Variants in RUNX2 observed in about 807,000 individuals in gnomAD.
RUNX2 encodes the protein runt-related transcription factor 2.
RUNX2 carries 10 observed loss-of-function variants against 51.7 expected under a neutral mutation model. The ratio of observed to expected loss-of-function variants is 0.19; its 90% CI spans 0.12 to 0.33. RUNX2 has a LOEUF of 0.33. Ranked by LOEUF, RUNX2 falls within the 10% of genes least tolerant of loss-of-function variation. The pLI is 1.00. For missense variants in RUNX2, 562 were observed against 691.3 expected, an observed-to-expected ratio of 0.81 and a Z score of 2.10; for synonymous variants, 276 against 273.6, an observed-to-expected ratio of 1.01 and a Z score of -0.09.
At chr6:45,503,266 A>G (rs556555615) in intron 6 of RUNX2, among the ~76,000 whole-genome samples, 1 of 152,364 alleles carries the variant, frequency 6.6e-6, no homozygotes, top group African/African-American at 2.4e-5. Flanking sequence ...ATAAAACTCC[A>G]TAGCACCAGG....
At chr6:45,539,229 C>G (rs764817014) in intron 7 of RUNX2, among the ~76,000 whole-genome samples, 27 of 151,522 alleles carry the variant, frequency 1.8e-4, no homozygotes, top group Non-Finnish European at 3.4e-4. Flanking sequence ...TTCTCTCTCT[C>G]TCTCTCTTTT....
At chr6:45,422,478 T>TTCCC in intron 2 of RUNX2, 115 bp from the exon 3 acceptor site, 5 of 569,522 alleles carry the variant, frequency 8.8e-6, no homozygotes, top group East Asian at 7.8e-5. Flanking sequence ...CCATCCTCTT[T>TTCCC]CCCCCCGTCT....
At chr6:45,329,402 A>C (rs1219009197) in intron 2 of RUNX2, among the ~76,000 whole-genome samples, 1 of 151,984 alleles carries the variant, frequency 6.6e-6, no homozygotes, top group Non-Finnish European at 1.5e-5. Flanking sequence ...AATTATGATA[A>C]GCACATCACA....
At chr6:45,434,478 C>T (rs1396153958) in intron 4 of RUNX2, among the ~76,000 whole-genome samples, 1 of 151,690 alleles carries the variant, frequency 6.6e-6, no homozygotes, top group Non-Finnish European at 1.5e-5. Flanking sequence ...GAAACATAAA[C>T]TCTCAGAAAC....
At chr6:45,472,912 C>T (rs772854654) in intron 5 of RUNX2, among the ~76,000 whole-genome samples, 2 of 152,104 alleles carry the variant, frequency 1.3e-5, no homozygotes, top group African/African-American at 4.8e-5. Flanking sequence ...CCTGTTTTCA[C>T]CAGTTCATTT....
intron 2 of RUNX2, among the ~76,000 whole-genome samples, chr6:45,401,483 C>G (rs1797711593): frequency 6.6e-6 from 1 of 152,214 alleles, no homozygotes; most frequent in Admixed American, 6.5e-5. Flanking sequence ...GGCTCTGTCA[C>G]TAACTCTGAC....
At chr6:45,378,312 C>G (rs184440342) in intron 2 of RUNX2, among the ~76,000 whole-genome samples, 9 of 152,348 alleles carry the variant, frequency 5.9e-5, no homozygotes, top group Non-Finnish European at 1.0e-4. Flanking sequence ...GTGACCGGCA[C>G]TGGAAGTTGA....
intron 7 of RUNX2, among the ~76,000 whole-genome samples, chr6:45,532,295 G>A (rs764386024): frequency 6.7e-6 from 1 of 149,936 alleles, no homozygotes; most frequent in Non-Finnish European, 1.5e-5. Context: ...AATTTTTGAA[G>A]GTATTTTTGG....
At chr6:45,480,297 C>T (rs1031565989) in intron 5 of RUNX2, among the ~76,000 whole-genome samples, 3 of 152,164 alleles carry the variant, frequency 2.0e-5, no homozygotes, top group Admixed American at 6.5e-5. Flanking sequence ...GTTACTCTTG[C>T]AGCTTAGAGA....
intron 2 of RUNX2, among the ~76,000 whole-genome samples, chr6:45,343,017 C>G (rs531407899): frequency 6.6e-6 from 1 of 152,266 alleles, no homozygotes; most frequent in Non-Finnish European, 1.5e-5. Context: ...TCAATTTCCT[C>G]ATCTGTAAAA....
intron 7 of RUNX2, among the ~76,000 whole-genome samples, chr6:45,534,256 G>A (rs1303204646): frequency 6.6e-6 from 1 of 151,804 alleles, no homozygotes; most frequent in Non-Finnish European, 1.5e-5. Flanking sequence ...CCTCTATTGG[G>A]GGAAAAAAGG....
chr6:45,359,329 A>G (rs1359539868), intron 2 of RUNX2, among the ~76,000 whole-genome samples: 2 of 152,154 alleles, frequency 1.3e-5, no homozygotes, highest in South Asian at 2.1e-4. Flanking sequence ...TTTATACATA[A>G]TATCACTTTC....
chr6:45,385,065 C>G (rs574606939), intron 2 of RUNX2, among the ~76,000 whole-genome samples: 2 of 152,208 alleles, frequency 1.3e-5, no homozygotes, highest in South Asian at 2.1e-4. Flanking sequence ...CAGACATTTA[C>G]TGAGGACGTA....
At position 45,547,367 on chromosome 6, in the gene RUNX2, A is replaced by G; in HGVS notation, c.*62A>G. 1 of 1,259,704 alleles carries G rather than the reference A, an allele frequency of 7.9e-7. No homozygotes were observed. The allele number at this position is 1,259,704 out of a possible 1,614,324, so 78.0% of individuals were successfully genotyped here. On this transcript the variant is annotated 3_prime_UTR_variant, in exon 9 of 9. Transcript: ENST00000647337. ...ACATCCCACACGTATCAATATATAC[A>G]TATATAGAGAGAGTGCATATATATG...
intron 2 of RUNX2, 110 bp from the exon 3 acceptor site, chr6:45,422,483 C>T: frequency 7.2e-6 from 4 of 557,996 alleles, no homozygotes; most frequent in South Asian, 3.6e-5. Flanking sequence ...CTCTTTCCCC[C>T]CGTCTCGCCT....
At position 45,549,336 on chromosome 6, in the gene RUNX2, C is replaced by T. The variant is rs1802498100; in HGVS notation, c.*2031C>T. 2.5e-6 allele frequency: 1 copy of T among 398,578 alleles called. No individual in the cohort carries two copies. Among genetic ancestry groups the T allele is most frequent in the East Asian group, 3.6e-5 (1 of 28,058 alleles). The allele number at this position is 398,578 out of a possible 1,614,324, so 24.7% of individuals were successfully genotyped here. ...TCTCAAACCCACCTTTGTAGGCCAC[C>T]CAGCATTGCAGGACAGCGTGTGGGG... On this transcript the variant is annotated 3_prime_UTR_variant, in exon 9 of 9. Coordinates refer to ENST00000647337, the MANE Select transcript of RUNX2 (RefSeq NM_001024630.4).
intron 5 of RUNX2, among the ~76,000 whole-genome samples, chr6:45,444,155 T>C (rs982276747): frequency 6.6e-6 from 1 of 152,170 alleles, no homozygotes; most frequent in Admixed American, 6.5e-5. Flanking sequence ...TGGCCAAGAT[T>C]AGAGGTTTTA....
intron 7 of RUNX2, among the ~76,000 whole-genome samples, chr6:45,520,837 T>C (rs1038178988): frequency 6.6e-6 from 1 of 152,052 alleles, no homozygotes; most frequent in Non-Finnish European, 1.5e-5. Flanking sequence ...TCTCTTGCCT[T>C]ACCCTCCCGA....
intron 2 of RUNX2, among the ~76,000 whole-genome samples, chr6:45,407,204 A>G (rs1797854712): frequency 6.6e-6 from 1 of 152,000 alleles, no homozygotes; most frequent in Non-Finnish European, 1.5e-5. Context: ...CCCGGGCTCA[A>G]GCGATCCTCC....
Sources: gnomAD v4.1 joint callset for allele counts (sites outside exome capture counted in the v4.1 genomes callset) on GRCh38, gnomAD v4.1.1 for gene constraint, MANE v1.5 for transcripts, NCBI Gene and HGNC (gene_info 2026-07-23, HGNC 2026-07-21) for gene names.